NRG3: variants seen among roughly 807,000 people sequenced by gnomAD.
NRG3 encodes the protein pro-neuregulin-3, membrane-bound isoform.
Under a neutral mutation model 66.9 loss-of-function variants are expected in NRG3, and 31 were observed. That is an observed-to-expected ratio of 0.46 (90% CI 0.35 to 0.63). The LOEUF (loss-of-function observed/expected upper bound fraction) is 0.63, where lower values mean the gene tolerates loss of function less well. NRG3 is among the 20% of genes least tolerant of loss of function. The pLI is 0.00. For missense variants in NRG3, 910 were observed against 878.9 expected, an observed-to-expected ratio of 1.04 and a Z score of -0.45; for synonymous variants, 393 against 359.4, an observed-to-expected ratio of 1.09 and a Z score of -1.06.
chr10:82,755,221 T>C (rs1250134540), intron 3 of NRG3, among the ~76,000 whole-genome samples: 1 of 152,120 alleles, frequency 6.6e-6, no homozygotes, highest in Non-Finnish European at 1.5e-5. Flanking sequence ...AAATAGACCC[T>C]GTAGCCAGAC....
At chr10:82,297,963 A>G (rs567317210) in intron 1 of NRG3, among the ~76,000 whole-genome samples, 31 of 152,146 alleles carry the variant, frequency 2.0e-4, no homozygotes, top group African/African-American at 7.5e-4. Context: ...GCAACATGGC[A>G]AAACCTTGTC....
intron 1 of NRG3, among the ~76,000 whole-genome samples, chr10:81,886,860 G>A (rs1189754522): frequency 6.6e-6 from 1 of 152,032 alleles, no homozygotes; most frequent in Non-Finnish European, 1.5e-5. Flanking sequence ...AGCTTTACTG[G>A]TCACTAGATT....
At chr10:82,103,052 A>G (rs1301428240) in intron 1 of NRG3, among the ~76,000 whole-genome samples, 1 of 152,118 alleles carries the variant, frequency 6.6e-6, no homozygotes, top group East Asian at 1.9e-4. Flanking sequence ...ATTTCAGACT[A>G]TCTTCATCTG....
chr10:81,912,035 C>T lies in NRG3; in HGVS notation c.823+35872C>T, dbSNP rs192543448. Reference sequence around the variant, plus strand: ...TAAAAAAAGTCTCCAAAATTATACTCACCAGAAAAAAACAATCACCGTTAG... The same window carrying T: ...TAAAAAAAGTCTCCAAAATTATACTTACCAGAAAAAAACAATCACCGTTAG... On this transcript the variant is annotated intron_variant, in intron 1 of 8. Coordinates refer to ENST00000372141, the MANE Select transcript of NRG3 (RefSeq NM_001010848.4). Among the ~76,000 whole-genome samples, 306 of 152,222 alleles carry T rather than the reference C, an allele frequency of 2.0e-3. 2 individuals are homozygous for T. The highest frequency in any genetic ancestry group is 3.1e-4 in the Non-Finnish European group (21 of 68,010).
chr10:81,990,384 T>C (rs1356871108), intron 1 of NRG3, among the ~76,000 whole-genome samples: 1 of 152,176 alleles, frequency 6.6e-6, no homozygotes, highest in Non-Finnish European at 1.5e-5. Flanking sequence ...TTATGGTTCA[T>C]TTATGAAGTC....
rs76600411 is a variant in NRG3 at position 82,206,219 on chromosome 10, C to T, written c.824-152520C>T. Among the ~76,000 whole-genome samples, 1,325 of 152,292 alleles carry T rather than the reference C, an allele frequency of 8.7e-3. 8 individuals carry two copies. The highest frequency in any genetic ancestry group is 0.031 in the East Asian group (163 of 5,176). ...TCTCTTATTGCTTACCCCTTTGTCT[C>T]AGGATCTAAGAACAGGTTTAGAACA... On this transcript the variant is annotated intron_variant, in intron 1 of 8. Coordinates refer to ENST00000372141, the MANE Select transcript of NRG3 (RefSeq NM_001010848.4).
At chr10:82,406,473 C>A (rs1453303661) in intron 2 of NRG3, among the ~76,000 whole-genome samples, 1 of 152,174 alleles carries the variant, frequency 6.6e-6, no homozygotes, top group African/African-American at 2.4e-5. Flanking sequence ...CATGGAAATG[C>A]AGATCTTGTG....
At chr10:81,890,983 A>G (rs1367407609) in intron 1 of NRG3, among the ~76,000 whole-genome samples, 3 of 152,212 alleles carry the variant, frequency 2.0e-5, no homozygotes, top group South Asian at 2.1e-4. Context: ...TTTCCTCCAG[A>G]TATCAGCTAC....
intron 1 of NRG3, among the ~76,000 whole-genome samples, chr10:82,157,090 G>A (rs1468960402): frequency 6.6e-6 from 1 of 151,532 alleles, no homozygotes; most frequent in Non-Finnish European, 1.5e-5. Flanking sequence ...CATTGGCTTT[G>A]GGTATCTTTG....
At chr10:82,531,601 C>T (rs1032714503) in intron 2 of NRG3, among the ~76,000 whole-genome samples, 18 of 151,694 alleles carry the variant, frequency 1.2e-4, no homozygotes, top group African/African-American at 4.4e-4. Flanking sequence ...CCATTTCATT[C>T]TCCAAAATAT....
At chr10:82,953,369 C>T (rs1235029967) in intron 5 of NRG3, among the ~76,000 whole-genome samples, 2 of 151,944 alleles carry the variant, frequency 1.3e-5, no homozygotes, top group African/African-American at 4.9e-5. Context: ...TAGTTTAAAT[C>T]ACATGCTCTA....
chr10:82,743,520 A>G (rs956898316), intron 3 of NRG3, among the ~76,000 whole-genome samples: 2 of 152,166 alleles, frequency 1.3e-5, no homozygotes, highest in African/African-American at 4.8e-5. Flanking sequence ...AGTGTGTTCT[A>G]GCACCAGAGA....
chr10:82,740,263 G>T (rs342365), intron 3 of NRG3, among the ~76,000 whole-genome samples: 102,355 of 149,072 alleles, frequency 0.69, 35,124 homozygotes, highest in East Asian at 0.8. Flanking sequence ...CTTCTTTCCT[G>T]TTTTGCTTTC....
chr10:81,887,680 C>T (rs1842721971), intron 1 of NRG3, among the ~76,000 whole-genome samples: 1 of 152,068 alleles, frequency 6.6e-6, no homozygotes, highest in Non-Finnish European at 1.5e-5. Flanking sequence ...GCACATGACC[C>T]ATAAGTTTGG....
At chr10:82,059,181 G>C (rs1320967835) in intron 1 of NRG3, among the ~76,000 whole-genome samples, 1 of 152,178 alleles carries the variant, frequency 6.6e-6, no homozygotes, top group Non-Finnish European at 1.5e-5. Context: ...TGAAAGGTTT[G>C]AAACTGTGGA....
chr10:82,331,796 T>C (rs1054695599), intron 1 of NRG3, among the ~76,000 whole-genome samples: 2 of 152,144 alleles, frequency 1.3e-5, no homozygotes, highest in African/African-American at 2.4e-5. Flanking sequence ...AAATAAACAT[T>C]TTCCAGTTTT....
intron 1 of NRG3, chr10:81,889,496 C>G (rs1345821665): frequency 6.6e-6 from 1 of 152,166 alleles, no homozygotes; most frequent in Non-Finnish European, 1.5e-5. Context: ...CCACGTTTTT[C>G]ACCCTAAAGA....
chr10:82,829,973 G>A (rs1298646114), intron 3 of NRG3, among the ~76,000 whole-genome samples: 1 of 152,110 alleles, frequency 6.6e-6, no homozygotes, highest in Non-Finnish European at 1.5e-5. Flanking sequence ...ATAAAATCAA[G>A]CACCTCTGCT....
intron 1 of NRG3, among the ~76,000 whole-genome samples, chr10:82,012,848 A>G (rs1739975608): frequency 6.6e-6 from 1 of 152,202 alleles, no homozygotes. Context: ...ACCTCAACTT[A>G]AGCTTCATTG....
Sources: allele counts gnomAD v4.1 joint callset (sites outside exome capture counted in the v4.1 genomes callset), GRCh38; gene constraint gnomAD v4.1.1; transcripts MANE v1.5; gene names NCBI Gene and HGNC (gene_info 2026-07-23, HGNC 2026-07-21).